COX15: variants seen among roughly 807,000 people sequenced by gnomAD.
The protein encoded by COX15 is cytochrome c oxidase assembly factor COX15.
In COX15, 51 loss-of-function variants were observed where a neutral mutation model predicts 51.9. The ratio of observed to expected loss-of-function variants is 0.98; its 90% confidence interval spans 0.78 to 1.24. COX15 has a LOEUF of 1.24. COX15 is among the 50% of genes most tolerant of loss of function. The probability of loss-of-function intolerance (pLI) is 0.00; values close to 1 mark genes in which losing one functional copy is unlikely to be tolerated. For synonymous variants in COX15, 188 were observed against 190.5 expected, an observed-to-expected ratio of 0.99 and a Z score of 0.11; for missense variants, 420 against 501.1, an observed-to-expected ratio of 0.84 and a Z score of 1.55.
Position 99,714,721 on chromosome 10 carries a change from G to A in COX15, c.1102-3C>T. On this transcript the variant is annotated splice_polypyrimidine_tract_variant and splice_region_variant and intron_variant, in intron 8 of 8. Coordinates refer to ENST00000016171, the MANE Select transcript of COX15 (RefSeq NM_078470.6). ...AGCGTGCTGATGCCCAAGCCCACCTGTCACAAAGGAAAGAAGGCAATAGGA... is the reference window on the plus strand; with the variant it reads ...AGCGTGCTGATGCCCAAGCCCACCTATCACAAAGGAAAGAAGGCAATAGGA... The A allele has an allele frequency of 6.2e-7, 1 of 1,612,970 alleles. No individual in the cohort carries two copies. The highest frequency in any genetic ancestry group is 8.5e-7 in the Non-Finnish European group (1 of 1,179,994).
chr10:99,712,231 T>TA lies in COX15; in HGVS notation c.*2355dup. 1.0e-6 allele frequency: 1 copy of TA among 985,094 alleles called. No individual in the cohort carries two copies. The highest frequency in any genetic ancestry group is 1.2e-6 in the Non-Finnish European group (1 of 829,648). The allele number at this position is 985,094 out of a possible 1,614,324, so 61.0% of individuals were successfully genotyped here. On this transcript the variant is annotated 3_prime_UTR_variant, in exon 9 of 9. Coordinates refer to ENST00000016171, the MANE Select transcript of COX15 (RefSeq NM_078470.6). The stretch of plus-strand genomic sequence containing the variant: ...AAACCATATCACCACCTGAGAATGG[T>TA]ACACTACAGGTCACAGAAACTTACA...
chr10:99,696,528 G>A, the COX15 span, among the ~76,000 whole-genome samples: 6 of 152,210 alleles, frequency 3.9e-5, no homozygotes, highest in African/African-American at 1.4e-4. Flanking sequence ...TGAGAGTTCA[G>A]TTCTGTAGTA....
chr10:99,702,372 A>G, the COX15 span: 1 of 605,038 alleles, frequency 1.7e-6, no homozygotes, highest in African/African-American at 1.9e-5. Flanking sequence ...CTTAGAAATA[A>G]CCCACTTAGA....
At chr10:99,730,457 G>C (rs1283833019) in intron 1 of COX15, among the ~76,000 whole-genome samples, 1 of 152,046 alleles carries the variant, frequency 6.6e-6, no homozygotes, top group Non-Finnish European at 1.5e-5. Flanking sequence ...GGTGGTGTAT[G>C]CTTGTAATCC....
At position 99,711,506 on chromosome 10, in the gene COX15, T is replaced by C; in HGVS notation, c.*3081A>G. On this transcript the variant is annotated 3_prime_UTR_variant, in exon 9 of 9. Transcript: ENST00000016171. ...TCAAATGATAAGGTGGGGTGGAAAT[T>C]AGAAGGGAATGGGAATAAGCTAGTC... 7 of 985,378 alleles carry C rather than the reference T, an allele frequency of 7.1e-6. No homozygotes were observed. Among genetic ancestry groups the C allele is most frequent in the Non-Finnish European group, 8.4e-6 (7 of 829,926 alleles). The allele number at this position is 985,378 out of a possible 1,614,324, so 61.0% of individuals were successfully genotyped here.
Position 99,723,997 on chromosome 10 carries a change from T to C in COX15, c.709A>G (p.Ser237Gly). 1 of 1,614,020 alleles carries C rather than the reference T, an allele frequency of 6.2e-7. No individual in the cohort carries two copies. Among genetic ancestry groups the C allele is most frequent in the Non-Finnish European group, 8.5e-7 (1 of 1,180,020 alleles). The change falls in exon 5 of 9, where the codon AGC becomes GGC. Residue 237 changes from serine to glycine, a missense_variant. Ser to Gly is a moderately conservative substitution (Grantham distance 56). Coordinates refer to ENST00000016171, the MANE Select transcript of COX15 (RefSeq NM_078470.6). ...AGCAGTGACAGTGAGGTCCACAAGC[T>C]GGCACAATAAAGAACCAGGGCTGAT... is the stretch of plus-strand genomic sequence containing the variant. ...LGSALVLYCA[S>G]LWTSLSLLLP... is the part of the protein sequence containing the mutation.
chr10:99,723,980 C>T lies in COX15; in HGVS notation c.726G>A (p.Leu242=). ...VLYCASLWTS[L]SLLLPPHKLP... is the part of the protein sequence containing the mutation. ...CCTTGTGCGGAGGGAGTAGCAGTGACAGTGAGGTCCACAAGCTGGCACAAT... is the reference window on the plus strand; with the variant it reads ...CCTTGTGCGGAGGGAGTAGCAGTGATAGTGAGGTCCACAAGCTGGCACAAT... The change falls in exon 5 of 9, where the codon CTG becomes CTA. Residue 242 remains leucine, a synonymous_variant. Coordinates refer to ENST00000016171, the MANE Select transcript of COX15 (RefSeq NM_078470.6). The T allele has an allele frequency of 6.2e-7, 1 of 1,613,940 alleles. No individual in the cohort carries two copies. Among genetic ancestry groups the T allele is most frequent in the Non-Finnish European group, 8.5e-7 (1 of 1,180,024 alleles).
chr10:99,730,804 T>C (rs1339042732), intron 1 of COX15, among the ~76,000 whole-genome samples: 1 of 152,168 alleles, frequency 6.6e-6, no homozygotes, highest in Non-Finnish European at 1.5e-5. Flanking sequence ...CTCAAGCCTA[T>C]AATCCCAAGG....
chr10:99,720,942 T>C (rs776269427), intron 6 of COX15, 45 bp downstream of exon 6: 2 of 1,497,744 alleles, frequency 1.3e-6, no homozygotes, highest in Non-Finnish European at 1.9e-6. Context: ...GGTCCCAGCT[T>C]AGAGTGCAAT....
chr10:99,709,027 T>C, downstream of COX15: 1 of 984,392 alleles, frequency 1.0e-6, no homozygotes, highest in Non-Finnish European at 1.2e-6. Context: ...TAGTGCCAAG[T>C]TTTCACTACA....
In COX15 at chr10:99,720,856, G is replaced by T. The variant is rs939174600; in HGVS notation, c.832+131C>A. 3.0e-5 allele frequency: 23 copies of T among 766,046 alleles called. No individual in the cohort carries two copies. In the Admixed American group the frequency reaches 4.1e-4, roughly 14 times the overall value. The allele number at this position is 766,046 out of a possible 1,614,324, so 47.5% of individuals were successfully genotyped here. A position where few individuals can be genotyped will look rare whatever the true frequency, so the allele number is the denominator to read the frequency against. On this transcript the variant is annotated intron_variant, in intron 6 of 8. Coordinates refer to ENST00000016171, the MANE Select transcript of COX15 (RefSeq NM_078470.6). ...AGAAAGGAACAGGAAACAGGGTGAA[G>T]ATGGGGGAATGAGAGAAACAGATGT...
the COX15 span, chr10:99,702,608 G>C: frequency 6.8e-6 from 11 of 1,613,702 alleles, no homozygotes; most frequent in Non-Finnish European, 9.3e-6. Context: ...CCCAGCTGGT[G>C]TATGACCGAG....
chr10:99,713,277 T>C lies in COX15; in HGVS notation c.*1310A>G, dbSNP rs1744864439. 4 of 1,533,502 alleles carry C rather than the reference T, an allele frequency of 2.6e-6. No individual in the cohort carries two copies. Among genetic ancestry groups the C allele is most frequent in the Non-Finnish European group, 3.6e-6 (4 of 1,126,412 alleles). The allele number at this position is 1,533,502 out of a possible 1,614,324, so 95.0% of individuals were successfully genotyped here. On this transcript the variant is annotated 3_prime_UTR_variant, in exon 9 of 9. Transcript: ENST00000016171. ...GCCAGGTTTCTTCAGCCCAAACTTA[T>C]ACAACTTATTTAATTTAAATGAGTA...
chr10:99,698,236 G>A, the COX15 span, among the ~76,000 whole-genome samples: 1 of 152,118 alleles, frequency 6.6e-6, no homozygotes, highest in African/African-American at 2.4e-5. Context: ...GAGGTACGTG[G>A]GAATGAAGAC....
chr10:99,731,422 T>C (rs1200589343), intron 1 of COX15, among the ~76,000 whole-genome samples: 1 of 152,220 alleles, frequency 6.6e-6, no homozygotes, highest in East Asian at 1.9e-4. Flanking sequence ...TAATATATAA[T>C]AACCACTCAA....
At chr10:99,728,536 G>C (rs2037034829) in intron 2 of COX15, among the ~76,000 whole-genome samples, 1 of 152,174 alleles carries the variant, frequency 6.6e-6, no homozygotes, top group Admixed American at 6.5e-5. Context: ...TTTTAGAGTT[G>C]AGCTAATAAA....
At chr10:99,698,288 G>C in the COX15 span, among the ~76,000 whole-genome samples, 1 of 152,176 alleles carries the variant, frequency 6.6e-6, no homozygotes, top group African/African-American at 2.4e-5. Flanking sequence ...TTTCACTACA[G>C]ACTAGGAAAT....
chr10:99,698,491 C>T, the COX15 span: 5 of 1,532,766 alleles, frequency 3.3e-6, no homozygotes, highest in East Asian at 4.5e-5. Flanking sequence ...TGAATACAGG[C>T]ATGACGTGTT....
chr10:99,704,791 T>G, the COX15 span: 4 of 1,040,130 alleles, frequency 3.8e-6, no homozygotes, highest in African/African-American at 3.2e-5. Flanking sequence ...CTTGTGGATA[T>G]TTGCCCTTGG....
Sources: allele counts gnomAD v4.1 joint callset (sites outside exome capture counted in the v4.1 genomes callset), GRCh38; gene constraint gnomAD v4.1.1; transcripts MANE v1.5; gene names NCBI Gene and HGNC (gene_info 2026-07-23, HGNC 2026-07-21).